The following TRPC7 variants were observed in gnomAD, a reference collection of about 807,000 sequenced individuals.
TRPC7 encodes the protein short transient receptor potential channel 7.
TRPC7 carries 42 observed loss-of-function variants against 90.1 expected under a neutral mutation model. The observed-to-expected ratio is 0.47, with a 90% CI of 0.36 to 0.60. The LOEUF is 0.60. TRPC7 is among the 20% of genes least tolerant of loss of function. The probability of loss-of-function intolerance (pLI) is 0.00; values close to 1 mark genes in which losing one functional copy is unlikely to be tolerated. For missense variants in TRPC7, 955 were observed against 1,112.3 expected (o/e 0.86, Z 2.01); for synonymous variants, 451 against 436.3 (o/e 1.03, Z -0.42).
chr5:136,284,115 C>T (rs1378938410), intron 3 of TRPC7, among the ~76,000 whole-genome samples: 2 of 152,222 alleles, frequency 1.3e-5, no homozygotes, highest in Non-Finnish European at 2.9e-5. Context: ...TACCCCAAAA[C>T]TGGGAAACAT....
At chr5:136,214,666 G>T (rs1326306511) in intron 11 of TRPC7, among the ~76,000 whole-genome samples, 5 of 152,178 alleles carry the variant, frequency 3.3e-5, no homozygotes, top group African/African-American at 1.2e-4. Flanking sequence ...CCTACAAGTA[G>T]GTAGGTGGGC....
At chr5:136,240,221 G>C (rs1348737105) in intron 7 of TRPC7, among the ~76,000 whole-genome samples, 1 of 152,176 alleles carries the variant, frequency 6.6e-6, no homozygotes, top group African/African-American at 2.4e-5. Flanking sequence ...TCTCTGTTTA[G>C]AGCCACCCCT....
intron 2 of TRPC7, among the ~76,000 whole-genome samples, chr5:136,325,702 C>T (rs897554847): frequency 1.3e-5 from 2 of 152,080 alleles, no homozygotes; most frequent in African/African-American, 2.4e-5. Context: ...GGCAGATAAT[C>T]AGAGGCCAAT....
At chr5:136,324,137 G>C (rs1179271430) in intron 2 of TRPC7, among the ~76,000 whole-genome samples, 1 of 151,818 alleles carries the variant, frequency 6.6e-6, no homozygotes, top group African/African-American at 2.4e-5. Context: ...GTTGATTCTT[G>C]TGTGTTGTCC....
intron 3 of TRPC7, among the ~76,000 whole-genome samples, chr5:136,295,197 G>A (rs532583065): frequency 3.3e-5 from 5 of 152,032 alleles, no homozygotes; most frequent in African/African-American, 7.2e-5. Context: ...TAAATGACGA[G>A]TTAATGGGTG....
In TRPC7 at chr5:136,356,776, G is replaced by T; in HGVS notation, c.612C>A (p.Thr204=). The T allele has an allele frequency of 1.9e-6, 3 of 1,612,260 alleles. No homozygotes were observed. The highest frequency in any genetic ancestry group is 2.5e-6 in the Non-Finnish European group (3 of 1,178,916). The change falls in exon 2 of 12, where the codon ACC becomes ACA. Residue 204 remains threonine, a synonymous_variant. Coordinates refer to ENST00000513104, the MANE Select transcript of TRPC7 (RefSeq NM_020389.3). The part of the protein sequence containing the change: ...HDYFCKCNEC[T]EKQRKDSFSH... ...TGAAGGAGTCTTTCCGCTGTTTCTC[G>T]GTGCACTCATTGCACTTGCAGAAGT...
intron 2 of TRPC7, among the ~76,000 whole-genome samples, chr5:136,332,095 T>C (rs6596300): frequency 0.49 from 73,882 of 151,758 alleles, 18,559 homozygotes; most frequent in Middle Eastern, 0.59. Context: ...AACTCCCTGA[T>C]GAGGTGATTT....
At chr5:136,351,639 G>C in intron 2 of TRPC7, among the ~76,000 whole-genome samples, 1 of 152,110 alleles carries the variant, frequency 6.6e-6, no homozygotes. Flanking sequence ...ACAAGACAAA[G>C]TCACTCCTTC....
chr5:136,335,450 A>G (rs1232139622), intron 2 of TRPC7, among the ~76,000 whole-genome samples: 1 of 152,040 alleles, frequency 6.6e-6, no homozygotes, highest in African/African-American at 2.4e-5. Flanking sequence ...ATTCTAATCT[A>G]CAGTGTCTCT....
chr5:136,315,597 C>G lies in TRPC7; in HGVS notation c.963G>C (p.Lys321Asn). 1 of 1,613,524 alleles carries G rather than the reference C, an allele frequency of 6.2e-7. No homozygotes were observed. Among genetic ancestry groups the G allele is most frequent in the Non-Finnish European group, 8.5e-7 (1 of 1,179,668 alleles). ...IKLAIKYEVKKFVAHPNCQQQ... is the reference protein window; with the variant it reads ...IKLAIKYEVKNFVAHPNCQQQ... ...GACCAGGAGAGATGGGGGAGCTTACCTTCTTGACTTCATATTTAATGGCGA... is the reference window on the plus strand; with the variant it reads ...GACCAGGAGAGATGGGGGAGCTTACGTTCTTGACTTCATATTTAATGGCGA... The change falls in exon 3 of 12, where the codon AAG (lysine) becomes AAC (asparagine). Residue 321 changes from lysine to asparagine, a missense_variant and splice_region_variant. Lys to Asn is a moderately conservative substitution (Grantham distance 94). Transcript: ENST00000513104.
chr5:136,217,079 G>A (rs1175184166), intron 10 of TRPC7, among the ~76,000 whole-genome samples: 1 of 152,182 alleles, frequency 6.6e-6, no homozygotes, highest in African/African-American at 2.4e-5. Flanking sequence ...GGGTTCCTGC[G>A]AAATCACAGG....
intron 7 of TRPC7, among the ~76,000 whole-genome samples, chr5:136,242,274 G>A (rs1479442273): frequency 2.0e-5 from 3 of 152,106 alleles, no homozygotes; most frequent in African/African-American, 7.2e-5. Context: ...CTCACCTGTG[G>A]TCATTTTCAG....
chr5:136,309,595 A>G (rs1451242489), intron 3 of TRPC7, among the ~76,000 whole-genome samples: 1 of 152,164 alleles, frequency 6.6e-6, no homozygotes, highest in Non-Finnish European at 1.5e-5. Context: ...CTTCACTATA[A>G]GTGGCGAGCA....
chr5:136,240,932 G>A (rs1279101091), intron 7 of TRPC7, among the ~76,000 whole-genome samples: 1 of 152,082 alleles, frequency 6.6e-6, no homozygotes, highest in Non-Finnish European at 1.5e-5. Context: ...ATCATCTGAA[G>A]CCTCAATTTC....
chr5:136,215,230 C>T (rs966923851), intron 11 of TRPC7, among the ~76,000 whole-genome samples: 4 of 152,120 alleles, frequency 2.6e-5, no homozygotes, highest in African/African-American at 9.7e-5. Flanking sequence ...TGTGCATCTG[C>T]TCAGTGGATG....
chr5:136,227,616 T>C (rs1415150924), intron 8 of TRPC7, among the ~76,000 whole-genome samples: 2 of 152,174 alleles, frequency 1.3e-5, no homozygotes, highest in African/African-American at 4.8e-5. Flanking sequence ...TTGGAAGCTT[T>C]GTGAGGGCAG....
intron 5 of TRPC7, 46 bp downstream of exon 5, chr5:136,266,174 T>C: frequency 6.6e-7 from 1 of 1,519,010 alleles, no homozygotes; most frequent in Non-Finnish European, 9.1e-7. Context: ...AATAATGTCC[T>C]ACTATAATTA....
chr5:136,344,306 A>G (rs1003032981), intron 2 of TRPC7, among the ~76,000 whole-genome samples: 4 of 152,164 alleles, frequency 2.6e-5, no homozygotes, highest in African/African-American at 9.7e-5. Flanking sequence ...AGAACAAAAA[A>G]CTACCTATCG....
intron 7 of TRPC7, 107 bp from the exon 8 acceptor site, chr5:136,231,656 G>GT: frequency 7.6e-6 from 8 of 1,051,182 alleles, no homozygotes; most frequent in Non-Finnish European, 1.1e-5. Context: ...CTAGGCTGGA[G>GT]TGCAGTGGCT....
Sources: allele counts gnomAD v4.1 joint callset (sites outside exome capture counted in the v4.1 genomes callset), GRCh38; gene constraint gnomAD v4.1.1; transcripts MANE v1.5; gene names NCBI Gene and HGNC (gene_info 2026-07-23, HGNC 2026-07-21).